The following CELF4 variants were observed in gnomAD, a reference collection of about 807,000 sequenced individuals.
CELF4 encodes the protein CUG-BP- and ETR-3-like factor 4.
Under a neutral mutation model 59.9 loss-of-function variants are expected in CELF4, and 18 were observed. That is an observed-to-expected ratio of 0.30 (90% CI 0.21 to 0.45). The LOEUF (loss-of-function observed/expected upper bound fraction) is 0.45, where lower values mean the gene tolerates loss of function less well. Ranked by LOEUF, CELF4 falls within the 20% of genes least tolerant of loss-of-function variation. The pLI, the probability that CELF4 is intolerant of heterozygous loss-of-function variation, is 1.00. For synonymous variants in CELF4, 261 were observed against 267.1 expected (o/e 0.98, Z 0.22); for missense variants, 456 against 689.0 (o/e 0.66, Z 3.79).
chr18:37,348,010 T>C (rs1233544336), intron 2 of CELF4, among the ~76,000 whole-genome samples: 1 of 152,126 alleles, frequency 6.6e-6, no homozygotes, highest in African/African-American at 2.4e-5. Context: ...CAGGTGGTTA[T>C]GGGTGGGCCT....
intron 2 of CELF4, among the ~76,000 whole-genome samples, chr18:37,426,651 G>A (rs1223543209): frequency 1.3e-5 from 2 of 152,168 alleles, no homozygotes; most frequent in Non-Finnish European, 2.9e-5. Context: ...CCAGGAGTGG[G>A]ACTGCAGAGG....
At chr18:37,497,587 G>T (rs994958056) in intron 1 of CELF4, among the ~76,000 whole-genome samples, 1 of 151,912 alleles carries the variant, frequency 6.6e-6, no homozygotes, top group African/African-American at 2.4e-5. Flanking sequence ...GGGAGGCAGA[G>T]GTTGCAGTGA....
chr18:37,352,759 A>G (rs556407684), intron 2 of CELF4, among the ~76,000 whole-genome samples: 1 of 152,140 alleles, frequency 6.6e-6, no homozygotes, highest in Admixed American at 6.5e-5. Context: ...TGCCACTTGG[A>G]GGTGGATGGG....
intron 1 of CELF4, among the ~76,000 whole-genome samples, chr18:37,557,995 T>A (rs1040561213): frequency 4.4e-5 from 5 of 114,874 alleles, no homozygotes; most frequent in Non-Finnish European, 9.2e-5. Flanking sequence ...ACATCCCTTT[T>A]ACTTTTTTTT....
At chr18:37,483,276 T>G (rs1328438021) in intron 2 of CELF4, among the ~76,000 whole-genome samples, 1 of 152,216 alleles carries the variant, frequency 6.6e-6, no homozygotes, top group Non-Finnish European at 1.5e-5. Context: ...GGTCATTTTG[T>G]GTTTCATTTG....
At chr18:37,321,086 G>C (rs867294459) in intron 3 of CELF4, among the ~76,000 whole-genome samples, 3 of 151,008 alleles carry the variant, frequency 2.0e-5, no homozygotes, top group East Asian at 2.0e-4. Flanking sequence ...TGGCTGGGAT[G>C]GGGGGGGCAG....
intron 1 of CELF4, among the ~76,000 whole-genome samples, chr18:37,552,359 A>G (rs2099983479): frequency 6.6e-6 from 1 of 152,186 alleles, no homozygotes; most frequent in African/African-American, 2.4e-5. Flanking sequence ...GGGCCATGGT[A>G]TGTCCCGCCA....
chr18:37,384,033 G>T (rs1387562733), intron 2 of CELF4, among the ~76,000 whole-genome samples: 1 of 152,164 alleles, frequency 6.6e-6, no homozygotes, highest in African/African-American at 2.4e-5. Flanking sequence ...TGCTCCCCAC[G>T]GTGCTGAGCT....
intron 1 of CELF4, among the ~76,000 whole-genome samples, chr18:37,558,565 T>TGGGGGGGGGGGGGGG (rs372382156): frequency 1.3e-5 from 1 of 77,486 alleles, no homozygotes; most frequent in Non-Finnish European, 2.4e-5. Flanking sequence ...GGGGGGCGGG[T>TGGGGGGGGGGGGGGG]GGGGGGGGCT....
chr18:37,257,719 C>G (rs757286826), intron 11 of CELF4, among the ~76,000 whole-genome samples: 6 of 152,174 alleles, frequency 3.9e-5, no homozygotes, highest in Non-Finnish European at 8.8e-5. Context: ...ACCTCCTACT[C>G]TCTCCTCCCA....
chr18:37,496,639 T>C (rs2099925497), intron 1 of CELF4, among the ~76,000 whole-genome samples: 1 of 152,172 alleles, frequency 6.6e-6, no homozygotes, highest in African/African-American at 2.4e-5. Flanking sequence ...ACAGGATCAA[T>C]GTTTGGAAAA....
intron 1 of CELF4, among the ~76,000 whole-genome samples, chr18:37,491,433 A>G (rs1203274595): frequency 1.3e-5 from 2 of 151,986 alleles, no homozygotes; most frequent in African/African-American, 2.4e-5. Flanking sequence ...AATCCCTTCC[A>G]TTTACCAGCT....
At chr18:37,327,877 C>A (rs1163544228) in intron 2 of CELF4, among the ~76,000 whole-genome samples, 7 of 152,230 alleles carry the variant, frequency 4.6e-5, no homozygotes, top group African/African-American at 1.4e-4. Flanking sequence ...TGGAAAGCTT[C>A]CCTGTCACTC....
At chr18:37,384,153 G>A (rs2099073642) in intron 2 of CELF4, among the ~76,000 whole-genome samples, 1 of 152,164 alleles carries the variant, frequency 6.6e-6, no homozygotes, top group Admixed American at 6.5e-5. Flanking sequence ...AAGTCGTACA[G>A]GTTGGCTAGT....
At chr18:37,408,452 CAAG>C (rs1271072644) in intron 2 of CELF4, among the ~76,000 whole-genome samples, 1 of 128,202 alleles carries the variant, frequency 7.8e-6, no homozygotes, top group East Asian at 2.6e-4. Context: ...ATGGAAAAAT[CAAG>C]AAGGTTTTTT....
At chr18:37,413,957 C>A (rs2099499227) in intron 2 of CELF4, among the ~76,000 whole-genome samples, 1 of 152,088 alleles carries the variant, frequency 6.6e-6, no homozygotes, top group South Asian at 2.1e-4. Flanking sequence ...TCCAAAAGGC[C>A]CATCTTAAGG....
intron 2 of CELF4, among the ~76,000 whole-genome samples, chr18:37,324,038 C>T (rs1335969188): frequency 2.6e-5 from 4 of 152,088 alleles, no homozygotes; most frequent in Admixed American, 1.3e-4. Context: ...ATCTTTTCTG[C>T]CTGACCCCCA....
At chr18:37,546,589 G>A (rs957629387) in intron 1 of CELF4, among the ~76,000 whole-genome samples, 1 of 152,196 alleles carries the variant, frequency 6.6e-6, no homozygotes, top group Admixed American at 6.5e-5. Flanking sequence ...GAGCTTTGCA[G>A]CCTGGGAGGA....
intron 1 of CELF4, among the ~76,000 whole-genome samples, chr18:37,540,701 A>G (rs1238820417): frequency 3.9e-5 from 6 of 152,320 alleles, no homozygotes; most frequent in Non-Finnish European, 8.8e-5. Flanking sequence ...CAACCTTGGC[A>G]TCCTGGGAAA....
Sources: gnomAD v4.1 joint callset for allele counts (sites outside exome capture counted in the v4.1 genomes callset) on GRCh38, gnomAD v4.1.1 for gene constraint, MANE v1.5 for transcripts, NCBI Gene and HGNC (gene_info 2026-07-23, HGNC 2026-07-21) for gene names.